Variants in HNF4A observed in about 807,000 individuals in gnomAD.
HNF4A encodes hepatocyte nuclear factor 4-alpha.
In HNF4A, 15 loss-of-function variants were observed where a neutral mutation model predicts 52.4. That is an observed-to-expected ratio of 0.29 (90% CI 0.19 to 0.44). The LOEUF (loss-of-function observed/expected upper bound fraction) is 0.44, where lower values mean the gene tolerates loss of function less well. HNF4A is among the 20% of genes least tolerant of loss of function. The probability of loss-of-function intolerance (pLI) is 1.00; values close to 1 mark genes in which losing one functional copy is unlikely to be tolerated. For missense variants in HNF4A, 479 were observed against 647.2 expected (o/e 0.74, Z 2.82); for synonymous variants, 280 against 264.4 (o/e 1.06, Z -0.57).
upstream of HNF4A, among the ~76,000 whole-genome samples, chr20:44,396,909 C>G (rs2063357972): frequency 1.3e-5 from 2 of 152,066 alleles, no homozygotes; most frequent in Non-Finnish European, 2.9e-5. Context: ...GGTTTATTCC[C>G]CTAAAGAGAG....
intron 5 of HNF4A, among the ~76,000 whole-genome samples, chr20:44,417,395 C>G (rs1042978734): frequency 6.6e-6 from 1 of 152,174 alleles, no homozygotes; most frequent in East Asian, 1.9e-4. Context: ...CTTGTACCCC[C>G]TGCAGAGAAT....
intron 1 of HNF4A, chr20:44,390,497 A>T (rs1425710857): frequency 1.6e-6 from 1 of 617,094 alleles, no homozygotes; most frequent in Admixed American, 2.6e-5. Flanking sequence ...ACCATCCCTG[A>T]AATCTCATTG....
At chr20:44,361,717 C>A (rs201374319) in intron 1 of HNF4A, among the ~76,000 whole-genome samples, 1 of 151,346 alleles carries the variant, frequency 6.6e-6, no homozygotes, top group African/African-American at 2.4e-5. Flanking sequence ...AAAAAAACAA[C>A]AAAAAAAACA....
chr20:44,387,657 G>GT (rs993545663), intron 1 of HNF4A, among the ~76,000 whole-genome samples: 1 of 73,612 alleles, frequency 1.4e-5, no homozygotes, highest in Non-Finnish European at 2.6e-5. Flanking sequence ...GAGGCAGGCG[G>GT]GGGGGGGGGG....
chr20:44,371,434 CT>C (rs1487707390), intron 1 of HNF4A, among the ~76,000 whole-genome samples: 1 of 152,036 alleles, frequency 6.6e-6, no homozygotes, highest in Non-Finnish European at 1.5e-5. Context: ...CGTGCCACTA[CT>C]GCCCAGCTAA....
At chr20:44,408,157 C>A (rs983490840) in intron 3 of HNF4A, 2 of 158,364 alleles carry the variant, frequency 1.3e-5, no homozygotes, top group Non-Finnish European at 2.8e-5. Context: ...CATGACAACC[C>A]TATATGGGAA....
rs1053990433 is a variant in HNF4A at position 44,369,221 on chromosome 20, C to T, written c.49+13368C>T. Reference sequence around the variant, plus strand: ...CTGAGATCACGCCATTGCATTCCAGCCTGGGCAACAAGAGCAAAACTCCAT... The same window carrying T: ...CTGAGATCACGCCATTGCATTCCAGTCTGGGCAACAAGAGCAAAACTCCAT... On this transcript the variant is annotated intron_variant, in intron 1 of 9. Coordinates refer to the HNF4A transcript ENST00000316673. Among the ~76,000 whole-genome samples the T allele has an allele frequency of 6.4e-5, 8 of 125,808 alleles. No individual in the cohort carries two copies. The East Asian group carries it at 1.8e-3, about 28-fold the overall frequency. 82.5% of individuals were successfully genotyped at this position (125,808 alleles called of 152,430 possible).
chr20:44,374,122 T>G (rs1455594822), intron 1 of HNF4A, among the ~76,000 whole-genome samples: 2 of 151,730 alleles, frequency 1.3e-5, no homozygotes, highest in East Asian at 1.9e-4. Flanking sequence ...CAACAGAGAG[T>G]TTTTTAGCCC....
rs771767442 is a variant in HNF4A at position 44,401,396 on chromosome 20, C to T, written c.24C>T (p.Val8=). ...GAATGCGACTCTCCAAAACCCTCGT[C>T]GACATGGACATGGCCGACTACAGTG... Residue 8 remains valine (V), a synonymous_variant, in exon 1 of 10, where the codon GTC becomes GTT. Transcript: ENST00000316099. 3 of 1,614,172 alleles carry T rather than the reference C, an allele frequency of 1.9e-6. No homozygotes were observed. The highest frequency in any genetic ancestry group is 2.2e-5 in the East Asian group (1 of 44,876).
At chr20:44,393,324 C>T (rs2063322825) in intron 1 of HNF4A, among the ~76,000 whole-genome samples, 1 of 152,262 alleles carries the variant, frequency 6.6e-6, no homozygotes, top group Admixed American at 6.5e-5. Flanking sequence ...AGAAGCTCCA[C>T]CCACACAGAT....
rs137862289 is a variant in HNF4A, at chr20:44,417,093, A to G, written c.649-1332A>G. 6.0e-4 allele frequency among the ~76,000 whole-genome samples: 91 copies of G among 152,352 alleles called. No individual in the cohort carries two copies. The South Asian group carries it at 0.013, about 23-fold the overall frequency. On this transcript the variant is annotated intron_variant, in intron 5 of 9. Transcript: ENST00000316099. ...TCCATTGTCTTAAAAAGTGTCTGGC[A>G]TTTAGTAGGCATTTAGGATTTGATA...
chr20:44,391,363 TTCTACACTTCATCC>T (rs2063299827), intron 1 of HNF4A: 1 of 152,430 alleles, frequency 6.6e-6, no homozygotes, highest in African/African-American at 2.4e-5. Flanking sequence ...ACATTCTTTG[TTCTACACTTCATCC>T]TCTCTTTGGG....
At chr20:44,357,462 C>T (rs980818672) in intron 1 of HNF4A, among the ~76,000 whole-genome samples, 1 of 152,004 alleles carries the variant, frequency 6.6e-6, no homozygotes, top group Non-Finnish European at 1.5e-5. Context: ...CTCAAAGGGG[C>T]CAGACAGCTT....
At chr20:44,375,673 C>G (rs1268420003) in intron 1 of HNF4A, among the ~76,000 whole-genome samples, 5 of 152,022 alleles carry the variant, frequency 3.3e-5, no homozygotes, top group African/African-American at 1.2e-4. Context: ...GTTAGGGCAG[C>G]CTTTCCTAAG....
Position 44,406,050 on chromosome 20 carries a change from T to C in HNF4A, c.116-8T>C, listed in dbSNP as rs772300561. ...CCTGAAGCCTCACTCCCTTCTCTCC[T>C]GGCGCAGACACGTCCCCATCAGAAG... On this transcript the variant is annotated splice_region_variant and splice_polypyrimidine_tract_variant and intron_variant, in intron 1 of 9. Transcript: ENST00000316099. 2 of 1,611,694 alleles carry C rather than the reference T, an allele frequency of 1.2e-6. No homozygotes were observed. Among genetic ancestry groups the C allele is most frequent in the Admixed American group, 1.7e-5 (1 of 60,020 alleles).
chr20:44,405,114 T>TGTGCTTGTGC (rs2063482321), intron 1 of HNF4A, among the ~76,000 whole-genome samples: 5 of 77,094 alleles, frequency 6.5e-5, no homozygotes, highest in Non-Finnish European at 1.4e-4. Flanking sequence ...GTAGCGTGTG[T>TGTGCTTGTGC]GCGTGTGTGT....
At chr20:44,357,404 G>T (rs1454325891) in intron 1 of HNF4A, among the ~76,000 whole-genome samples, 2 of 152,104 alleles carry the variant, frequency 1.3e-5, no homozygotes, top group African/African-American at 2.4e-5. Flanking sequence ...GAGTATAGAT[G>T]CCAATGGATG....
chr20:44,425,242 C>G (rs1003750427), intron 8 of HNF4A, among the ~76,000 whole-genome samples: 3 of 152,208 alleles, frequency 2.0e-5, no homozygotes, highest in African/African-American at 7.2e-5. Context: ...CTCAGTCTCC[C>G]AAAGTGCTGG....
chr20:44,413,721 G>C lies in HNF4A; in HGVS notation c.413G>C (p.Ser138Thr), dbSNP rs757405041. 2.5e-6 allele frequency: 4 copies of C among 1,613,800 alleles called. No individual in the cohort carries two copies. Among genetic ancestry groups the C allele is most frequent in the Non-Finnish European group, 3.4e-6 (4 of 1,179,924 alleles). Reference sequence around the variant, plus strand: ...GTCCAGAATGAGCGGGACCGGATCAGCACTCGAAGGTCAAGCTATGAGGAC... The same window carrying C: ...GTCCAGAATGAGCGGGACCGGATCACCACTCGAAGGTCAAGCTATGAGGAC... Residue 138 changes from serine (S) to threonine (T), a missense_variant, in exon 4 of 10, where the codon AGC (serine) becomes ACC (threonine). This residue lies in a region of HNF4A where 389 missense variants were observed against 525.1 expected (regional missense o/e 0.74). Coordinates refer to ENST00000316099, the MANE Select transcript of HNF4A (RefSeq NM_000457.6).
Sources: gnomAD v4.1 joint callset for allele counts (sites outside exome capture counted in the v4.1 genomes callset) on GRCh38, gnomAD v4.1.1 for gene constraint, gnomAD v4.1.1 regional missense constraint, MANE v1.5 for transcripts, NCBI Gene and HGNC (gene_info 2026-07-23, HGNC 2026-07-21) for gene names.